Variants in BDP1 observed in about 807,000 individuals in gnomAD.
BDP1 encodes the protein BDP1 general transcription factor IIIB subunit.
A neutral mutation model predicts 266.6 loss-of-function variants in BDP1; 169 were observed. That is an observed-to-expected ratio of 0.63 (90% CI 0.56 to 0.72). The LOEUF is 0.72. BDP1 is among the 30% of genes least tolerant of loss of function. BDP1 has a pLI of 0.00. For missense variants in BDP1, 3,015 were observed against 3,053.8 expected (o/e 0.99, Z 0.30); for synonymous variants, 1,090 against 1,022.4 (o/e 1.07, Z -1.26).
chr5:71,538,506 G>C (rs1008873173), intron 26 of BDP1, among the ~76,000 whole-genome samples: 1 of 152,168 alleles, frequency 6.6e-6, no homozygotes, highest in Non-Finnish European at 1.5e-5. Flanking sequence ...GCTTTTTGTC[G>C]TTAGGATCAG....
chr5:71,558,896 A>G (rs1743428856), intron 36 of BDP1, among the ~76,000 whole-genome samples: 1 of 150,782 alleles, frequency 6.6e-6, no homozygotes, highest in South Asian at 2.1e-4. Flanking sequence ...GCTCACACCT[A>G]TAATCCCAGC....
intron 19 of BDP1, 59 bp from the exon 20 acceptor site, chr5:71,514,880 TGTAAA>T: frequency 8.4e-7 from 1 of 1,188,698 alleles, no homozygotes; most frequent in Non-Finnish European, 1.2e-6. Context: ...AGTTTATACT[TGTAAA>T]GTTCTTATTT....
At chr5:71,569,885 A>G (rs537881580), downstream of BDP1, among the ~76,000 whole-genome samples, 312 of 152,354 alleles carry the variant, frequency 2.0e-3, no homozygotes, top group African/African-American at 6.3e-3. Context: ...AACATTGTTC[A>G]TTCGGACCTG....
At chr5:71,538,118 A>G (rs1357919020) in intron 26 of BDP1, among the ~76,000 whole-genome samples, 3 of 152,042 alleles carry the variant, frequency 2.0e-5, no homozygotes, top group Non-Finnish European at 1.5e-5. Context: ...TTTGTTTTTC[A>G]TTGTATTTTT....
chr5:71,509,393 T>G (rs1764763794), intron 16 of BDP1, 72 bp from the exon 17 acceptor site: 5 of 1,443,864 alleles, frequency 3.5e-6, no homozygotes, highest in Non-Finnish European at 4.6e-6. Flanking sequence ...CTGTAGTGAT[T>G]TCTCAAACAT....
At chr5:71,491,200 C>A in intron 11 of BDP1, 69 bp downstream of exon 11, 1 of 1,412,674 alleles carries the variant, frequency 7.1e-7, no homozygotes, top group Non-Finnish European at 9.8e-7. Context: ...TTGAAGTCTC[C>A]ATCTGTAACT....
chr5:71,478,124 C>G (rs1762706748), intron 7 of BDP1, among the ~76,000 whole-genome samples: 1 of 152,134 alleles, frequency 6.6e-6, no homozygotes, highest in African/African-American at 2.4e-5. Context: ...GTGGCACATG[C>G]CTGTAATCCC....
intron 33 of BDP1, among the ~76,000 whole-genome samples, chr5:71,549,127 A>G (rs1343151069): frequency 1.3e-5 from 2 of 152,264 alleles, no homozygotes; most frequent in Non-Finnish European, 1.5e-5. Flanking sequence ...AATCCCATCT[A>G]CTTGGGAGAC....
At chr5:71,504,382 A>G (rs569049772) in intron 15 of BDP1, among the ~76,000 whole-genome samples, 14 of 152,292 alleles carry the variant, frequency 9.2e-5, no homozygotes, top group African/African-American at 2.9e-4. Context: ...AGATGAAACC[A>G]AGGCAGTTAC....
At chr5:71,527,046 G>A (rs1272880423) in intron 25 of BDP1, among the ~76,000 whole-genome samples, 1 of 151,748 alleles carries the variant, frequency 6.6e-6, no homozygotes, top group Non-Finnish European at 1.5e-5. Flanking sequence ...TGTACGTGTT[G>A]TCATGCTACC....
chr5:71,504,735 C>G lies in BDP1; in HGVS notation c.2356C>G (p.Leu786Val). Residue 786 changes from leucine to valine, a missense_variant, in exon 16 of 39, where the codon CTT becomes GTT. By Grantham distance (32) the Leu-to-Val change is conservative (BLOSUM62 1). Coordinates refer to ENST00000358731, the MANE Select transcript of BDP1 (RefSeq NM_018429.3). ...QNVQPDEPKVLNECLSVQENN... is the reference protein window; with the variant it reads ...QNVQPDEPKVVNECLSVQENN... ...TGTGCAGCCAGATGAGCCCAAGGTT[C>G]TTAATGAATGTCTAAGGTAAGCATC... 6.2e-7 allele frequency: 1 copy of G among 1,613,300 alleles called. No homozygotes were observed. Among genetic ancestry groups the G allele is most frequent in the Non-Finnish European group, 8.5e-7 (1 of 1,179,682 alleles).
chr5:71,541,440 T>C lies in BDP1; in HGVS notation c.6023-14T>C. On this transcript the variant is annotated splice_polypyrimidine_tract_variant and intron_variant, in intron 28 of 38. Coordinates refer to ENST00000358731, the MANE Select transcript of BDP1 (RefSeq NM_018429.3). ...TTGGTCCATTTTAATTTTGTTTTTT[T>C]TTTTTTTCTTCAGTAGGAGTATGTA... 9.4e-7 allele frequency: 1 copy of C among 1,063,022 alleles called. No homozygotes were observed. Among genetic ancestry groups the C allele is most frequent in the Non-Finnish European group, 1.3e-6 (1 of 768,078 alleles). 65.8% of individuals were successfully genotyped at this position (1,063,022 alleles called of 1,614,324 possible). A position where few individuals can be genotyped will look rare whatever the true frequency, so the allele number is the denominator to read the frequency against.
chr5:71,468,282 G>A (rs1249173420), intron 6 of BDP1, among the ~76,000 whole-genome samples: 1 of 151,898 alleles, frequency 6.6e-6, no homozygotes, highest in East Asian at 1.9e-4. Context: ...GCCTCCCAAA[G>A]TGCTGGGATT....
At chr5:71,465,962 C>G (rs1336905843) in intron 4 of BDP1, 134 bp from the exon 5 acceptor site, 2 of 881,578 alleles carry the variant, frequency 2.3e-6, no homozygotes, top group Non-Finnish European at 3.4e-6. Flanking sequence ...ATAACACATA[C>G]TGTTTTCATT....
intron 25 of BDP1, 21 bp downstream of exon 25, chr5:71,524,344 C>T (rs758879804): frequency 6.4e-7 from 1 of 1,556,928 alleles, no homozygotes; most frequent in South Asian, 1.2e-5. Flanking sequence ...TTTTTAAAAC[C>T]TTGGTACTTT....
rs1764465028 is a variant in BDP1 at position 71,504,625 on chromosome 5, C to G, written c.2246C>G (p.Pro749Arg). The G allele has an allele frequency of 1.2e-6, 2 of 1,611,312 alleles. No individual in the cohort carries two copies. The highest frequency in any genetic ancestry group is 1.7e-5 in the Admixed American group (1 of 59,508). Residue 749 changes from proline (P) to arginine (R), a missense_variant, in exon 16 of 39, where the codon CCT becomes CGT. Coordinates refer to ENST00000358731, the MANE Select transcript of BDP1 (RefSeq NM_018429.3). ...ENESCADRDT[P>R]QHMEDQSRKD... ...AAAAATTTGTTTGTTTTTAAGACTC[C>G]TCAACACATGGAAGATCAATCGCGT...
At chr5:71,499,505 A>G (rs141700811) in intron 13 of BDP1, among the ~76,000 whole-genome samples, 12 of 152,226 alleles carry the variant, frequency 7.9e-5, no homozygotes, top group African/African-American at 2.9e-4. Context: ...TGTAATCCCA[A>G]CTACTCGGGA....
chr5:71,561,130 G>T (rs180927484), intron 37 of BDP1, among the ~76,000 whole-genome samples: 1 of 150,568 alleles, frequency 6.6e-6, no homozygotes, highest in Non-Finnish European at 1.5e-5. Flanking sequence ...GGCTGGGTGC[G>T]GTGGCTCATG....
intron 34 of BDP1, among the ~76,000 whole-genome samples, chr5:71,551,993 G>A (rs559776114): frequency 6.7e-6 from 1 of 149,242 alleles, no homozygotes; most frequent in South Asian, 2.1e-4. Context: ...GGCTGGCCTG[G>A]CGAGGGCTGA....
Sources: allele counts gnomAD v4.1 joint callset (sites outside exome capture counted in the v4.1 genomes callset), GRCh38; gene constraint gnomAD v4.1.1; transcripts MANE v1.5; gene names NCBI Gene and HGNC (gene_info 2026-07-23, HGNC 2026-07-21).